The following DACH2 variants were observed in gnomAD, a reference collection of about 807,000 sequenced individuals.
DACH2 encodes dachshund family transcription factor 2.
DACH2 carries 17 observed loss-of-function variants against 35.8 expected under a neutral mutation model. That is an observed-to-expected ratio of 0.48 (90% CI 0.33 to 0.71). The LOEUF is 0.71. DACH2 is among the 30% of genes least tolerant of loss of function. The pLI is 0.02. For missense variants in DACH2, 469 were observed against 472.7 expected, an observed-to-expected ratio of 0.99 and a Z score of 0.07; for synonymous variants, 195 against 177.3, an observed-to-expected ratio of 1.10 and a Z score of -0.79.
At chrX:86,772,538 C>A (rs761635672) in intron 7 of DACH2, among the ~76,000 whole-genome samples, 1 of 111,429 alleles carries the variant, frequency 9.0e-6, no homozygotes, top group African/African-American at 3.2e-5. Flanking sequence ...AGTGTTTTTC[C>A]TTTCATCTAG....
At chrX:86,600,832 A>G (rs761913477) in intron 3 of DACH2, among the ~76,000 whole-genome samples, 96 of 111,151 alleles carry the variant, frequency 8.6e-4, no homozygotes, top group African/African-American at 2.9e-3. Context: ...TTACCCCACT[A>G]TATCGTGCAC....
At chrX:86,725,044 A>ACG in intron 6 of DACH2, among the ~76,000 whole-genome samples, 1 of 106,548 alleles carries the variant, frequency 9.4e-6, no homozygotes, top group South Asian at 4.1e-4. Flanking sequence ...AAAAAAAAAC[A>ACG]ATATCTGTCT....
chrX:86,677,169 G>A (rs2148429580), intron 4 of DACH2, among the ~76,000 whole-genome samples: 1 of 111,750 alleles, frequency 8.9e-6, no homozygotes, highest in East Asian at 2.8e-4. Flanking sequence ...AAACATATTT[G>A]TGCTTAACTT....
chrX:86,438,223 T>TTA (rs1314110633), intron 2 of DACH2, among the ~76,000 whole-genome samples: 1 of 101,758 alleles, frequency 9.8e-6, no homozygotes, highest in African/African-American at 3.7e-5. Context: ...TCGTAGGTTT[T>TTA]TTTTTTTTTT....
chrX:86,815,093 G>T (rs1456394102), intron 10 of DACH2, among the ~76,000 whole-genome samples: 2 of 111,628 alleles, frequency 1.8e-5, no homozygotes, highest in East Asian at 2.8e-4. Context: ...ACTGACTTTT[G>T]CAGTAGAAGC....
At chrX:86,491,263 C>G (rs1211935484) in intron 2 of DACH2, among the ~76,000 whole-genome samples, 1 of 111,702 alleles carries the variant, frequency 9.0e-6, no homozygotes, top group Non-Finnish European at 1.9e-5. Flanking sequence ...ATACATTGTA[C>G]AGGACACACT....
chrX:86,196,793 C>T (rs2032002371), intron 1 of DACH2, among the ~76,000 whole-genome samples: 1 of 108,413 alleles, frequency 9.2e-6, no homozygotes. Context: ...CGTTGGTGTC[C>T]CTGAAAGAGA....
At chrX:86,286,805 T>C (rs1315883669) in intron 1 of DACH2, among the ~76,000 whole-genome samples, 1 of 112,289 alleles carries the variant, frequency 8.9e-6, no homozygotes, top group Non-Finnish European at 1.9e-5. Flanking sequence ...TTTAGTTGTT[T>C]CTATTTAAAT....
intron 1 of DACH2, among the ~76,000 whole-genome samples, chrX:86,159,553 T>C (rs1448397840): frequency 1.8e-5 from 2 of 112,143 alleles, no homozygotes; most frequent in Non-Finnish European, 3.8e-5. Flanking sequence ...ATACAATCTT[T>C]AGGTCTCACT....
At chrX:86,781,444 A>G (rs1482408165) in intron 7 of DACH2, among the ~76,000 whole-genome samples, 1 of 111,707 alleles carries the variant, frequency 9.0e-6, no homozygotes, top group East Asian at 2.8e-4. Context: ...GTGAATCAGG[A>G]GTGTCAAATG....
intron 2 of DACH2, among the ~76,000 whole-genome samples, chrX:86,475,590 C>T (rs1221446137): frequency 8.9e-6 from 1 of 111,917 alleles, no homozygotes; most frequent in Non-Finnish European, 1.9e-5. Context: ...TTGGTGGACT[C>T]TTTAGGTTTT....
intron 3 of DACH2, among the ~76,000 whole-genome samples, chrX:86,586,344 T>A (rs1403470340): frequency 8.9e-6 from 1 of 111,817 alleles, no homozygotes; most frequent in Non-Finnish European, 1.9e-5. Context: ...TTGCAAATAT[T>A]TTCCCCTATT....
chrX:86,330,796 G>A (rs1026967921), intron 1 of DACH2, among the ~76,000 whole-genome samples: 1 of 111,418 alleles, frequency 9.0e-6, no homozygotes, highest in East Asian at 2.8e-4. Flanking sequence ...CTTTTAGACA[G>A]TAATATATAG....
intron 3 of DACH2, among the ~76,000 whole-genome samples, chrX:86,624,315 A>G (rs913516630): frequency 8.9e-6 from 1 of 111,853 alleles, no homozygotes; most frequent in Non-Finnish European, 1.9e-5. Flanking sequence ...GCAACCAAGC[A>G]GATCATATTG....
intron 2 of DACH2, among the ~76,000 whole-genome samples, chrX:86,458,017 C>A (rs1473154450): frequency 9.0e-6 from 1 of 111,727 alleles, no homozygotes; most frequent in Non-Finnish European, 1.9e-5. Flanking sequence ...AAATACAATA[C>A]CGCACTTCAT....
At chrX:86,497,458 G>A (rs192867440) in intron 2 of DACH2, among the ~76,000 whole-genome samples, 1 of 111,574 alleles carries the variant, frequency 9.0e-6, no homozygotes, top group African/African-American at 3.3e-5. Context: ...TTATTGGCAG[G>A]TGGAAGAGAC....
At position 86,246,103 on chromosome X, in the gene DACH2, A is replaced by G. The variant is rs762387863; in HGVS notation, c.488+96995A>G. On this transcript the variant is annotated intron_variant, in intron 1 of 11. Transcript: ENST00000373125. ...AAGACTGGTTCTTTGAACCACCTCA[A>G]TCAAATAAAAATAAAGAAAAAAGAA... 3.6e-5 allele frequency among the ~76,000 whole-genome samples: 4 copies of G among 111,557 alleles called. No homozygotes were observed. The South Asian group carries it at 1.5e-3, about 42-fold the overall frequency.
intron 3 of DACH2, among the ~76,000 whole-genome samples, chrX:86,586,864 CTTTGGTCCT>C (rs2148345948): frequency 9.0e-6 from 1 of 111,600 alleles, no homozygotes; most frequent in Non-Finnish European, 1.9e-5. Context: ...GATCCTTCAG[CTTTGGTCCT>C]TTTGGTTAGG....
At chrX:86,455,252 C>T (rs544298828) in intron 2 of DACH2, among the ~76,000 whole-genome samples, 6 of 111,105 alleles carry the variant, frequency 5.4e-5, no homozygotes, top group African/African-American at 9.8e-5. Context: ...CCCAGTCAGC[C>T]GGAATGGGAT....
Sources: allele counts gnomAD v4.1 joint callset (sites outside exome capture counted in the v4.1 genomes callset), GRCh38; gene constraint gnomAD v4.1.1; transcripts MANE v1.5; gene names NCBI Gene and HGNC (gene_info 2026-07-23, HGNC 2026-07-21).